Variants in SIMC1 observed in about 807,000 individuals in gnomAD.
SIMC1 encodes SUMO-interacting motif-containing protein 1.
A neutral mutation model predicts 82.3 loss-of-function variants in SIMC1; 55 were observed. The observed-to-expected ratio is 0.67, with a 90% CI of 0.54 to 0.84. The LOEUF is 0.84. SIMC1 is among the 40% of genes least tolerant of loss of function. The probability of loss-of-function intolerance (pLI) is 0.00; values close to 1 mark genes in which losing one functional copy is unlikely to be tolerated. For missense variants in SIMC1, 915 were observed against 1,107.2 expected, an observed-to-expected ratio of 0.83 and a Z score of 2.46; for synonymous variants, 353 against 426.3, an observed-to-expected ratio of 0.83 and a Z score of 2.12.
intron 9 of SIMC1, among the ~76,000 whole-genome samples, chr5:176,337,905 A>T (rs1765975842): frequency 6.6e-6 from 1 of 152,222 alleles, no homozygotes; most frequent in Non-Finnish European, 1.5e-5. Context: ...TAACCCTCAG[A>T]AGGTAAATGT....
chr5:176,321,885 C>CTTTTTTTTTTTTTTTTTTTT (rs11418187), intron 5 of SIMC1, among the ~76,000 whole-genome samples: 1 of 90,720 alleles, frequency 1.1e-5, no homozygotes, highest in Non-Finnish European at 2.0e-5. Flanking sequence ...TTTTAGTTAG[C>CTTTTTTTTTTTTTTTTTTTT]TTTTTTTTTT....
intron 1 of SIMC1, among the ~76,000 whole-genome samples, chr5:176,268,923 A>G (rs182962139): frequency 2.1e-4 from 32 of 152,346 alleles, no homozygotes; most frequent in African/African-American, 7.7e-4. Context: ...GTGTTAGGAC[A>G]TGAGTCTCAG....
chr5:176,320,983 C>T (rs1428201445), intron 5 of SIMC1, among the ~76,000 whole-genome samples: 3 of 152,018 alleles, frequency 2.0e-5, no homozygotes, highest in African/African-American at 7.2e-5. Context: ...AAGACTAAGC[C>T]CTTGACAATT....
chr5:176,305,583 G>T (rs1764304076), intron 4 of SIMC1, among the ~76,000 whole-genome samples: 1 of 143,870 alleles, frequency 7.0e-6, no homozygotes, highest in African/African-American at 2.6e-5. Flanking sequence ...GGGAGGTGGG[G>T]GGGTCAGCCC....
At chr5:176,322,579 T>C in intron 6 of SIMC1, 154 bp downstream of exon 6, 1 of 981,538 alleles carries the variant, frequency 1.0e-6, no homozygotes, top group South Asian at 2.8e-5. Flanking sequence ...AGAGGCTAAA[T>C]TTCTGATTTC....
At chr5:176,282,312 C>T (rs1478816443) in intron 1 of SIMC1, among the ~76,000 whole-genome samples, 1 of 152,200 alleles carries the variant, frequency 6.6e-6, no homozygotes, top group Admixed American at 6.5e-5. Context: ...GGGAGTGATC[C>T]GATTTTCCAG....
intron 6 of SIMC1, 73 bp from the exon 7 acceptor site, chr5:176,324,556 G>A (rs905372143): frequency 1.3e-6 from 2 of 1,518,900 alleles, no homozygotes; most frequent in Admixed American, 2.0e-5. Context: ...CACTGGTGGG[G>A]ACCTCCTCCC....
intron 1 of SIMC1, among the ~76,000 whole-genome samples, chr5:176,252,442 C>T (rs1299499895): frequency 2.8e-4 from 41 of 148,908 alleles, no homozygotes; most frequent in African/African-American, 9.2e-4. Context: ...CGGGCAGAGA[C>T]GCTCCTCACC....
intron 4 of SIMC1, among the ~76,000 whole-genome samples, chr5:176,312,458 C>G (rs922526493): frequency 2.7e-5 from 4 of 145,706 alleles, no homozygotes; most frequent in African/African-American, 1.0e-4. Flanking sequence ...ATTGCTTGAG[C>G]CTGGGAGGCA....
intron 4 of SIMC1, among the ~76,000 whole-genome samples, chr5:176,298,762 C>CT (rs1362926114): frequency 6.6e-6 from 1 of 152,102 alleles, no homozygotes; most frequent in African/African-American, 2.4e-5. Flanking sequence ...ATTGTTATAA[C>CT]TTTAAGACAT....
intron 9 of SIMC1, among the ~76,000 whole-genome samples, chr5:176,340,440 T>G (rs187929455): frequency 6.6e-6 from 1 of 152,324 alleles, no homozygotes; most frequent in African/African-American, 2.4e-5. Context: ...AATGAACAAA[T>G]GCATGCTTTT....
chr5:176,313,719 T>C lies in SIMC1; in HGVS notation c.1763T>C (p.Phe588Ser). 1 of 1,613,956 alleles carries C rather than the reference T, an allele frequency of 6.2e-7. No homozygotes were observed. Among genetic ancestry groups the C allele is most frequent in the Non-Finnish European group, 8.5e-7 (1 of 1,179,870 alleles). ...EGQTLPGRVLFLRYVVQTLED... is the reference protein window; with the variant it reads ...EGQTLPGRVLSLRYVVQTLED... Reference sequence around the variant, plus strand: ...CAAACTCTGCCTGGGCGAGTCCTTTTCCTGCGTTATGTCGTTCAGACCCTA... The same window carrying C: ...CAAACTCTGCCTGGGCGAGTCCTTTCCCTGCGTTATGTCGTTCAGACCCTA... The change falls in exon 5 of 10, where the codon TTC becomes TCC. Residue 588 changes from phenylalanine to serine, a missense_variant. Coordinates refer to ENST00000429602, the MANE Select transcript of SIMC1 (RefSeq NM_001308195.2).
chr5:176,331,368 TAAA>T (rs70991536), intron 7 of SIMC1, among the ~76,000 whole-genome samples: 10 of 131,440 alleles, frequency 7.6e-5, no homozygotes, highest in Non-Finnish European at 4.8e-5. Flanking sequence ...AGACTCTGTC[TAAA>T]AAAAAAAAAA....
intron 9 of SIMC1, among the ~76,000 whole-genome samples, chr5:176,344,534 G>A (rs938141746): frequency 1.1e-4 from 17 of 151,746 alleles, no homozygotes; most frequent in African/African-American, 4.1e-4. Flanking sequence ...ATAAAGAAAA[G>A]TTTAGTTGGC....
chr5:176,302,687 A>G (rs1764093905), intron 4 of SIMC1, among the ~76,000 whole-genome samples: 1 of 152,208 alleles, frequency 6.6e-6, no homozygotes, highest in African/African-American at 2.4e-5. Flanking sequence ...TAGTAAATGA[A>G]ATAATAAGTG....
intron 1 of SIMC1, among the ~76,000 whole-genome samples, chr5:176,251,337 C>T (rs1192162628): frequency 3.3e-5 from 5 of 152,044 alleles, no homozygotes; most frequent in East Asian, 1.9e-4. Context: ...TCCAGCCTGG[C>T]GACAGAGCAA....
chr5:176,277,241 G>A (rs1762749460), intron 1 of SIMC1, among the ~76,000 whole-genome samples: 1 of 151,722 alleles, frequency 6.6e-6, no homozygotes, highest in Admixed American at 6.6e-5. Context: ...CTGCATAAAT[G>A]TCTTCTTTTG....
chr5:176,266,333 A>G (rs1439324891), intron 1 of SIMC1, among the ~76,000 whole-genome samples: 24 of 152,134 alleles, frequency 1.6e-4, no homozygotes, highest in Non-Finnish European at 2.9e-4. Context: ...AACAAGAAAA[A>G]TCATACGAAG....
chr5:176,335,732 G>T (rs1173275146), intron 7 of SIMC1, among the ~76,000 whole-genome samples: 2 of 151,952 alleles, frequency 1.3e-5, no homozygotes, highest in Non-Finnish European at 2.9e-5. Flanking sequence ...AATTAGAAGA[G>T]AAAATAGTTT....
Sources: gnomAD v4.1 joint callset for allele counts (sites outside exome capture counted in the v4.1 genomes callset) on GRCh38, gnomAD v4.1.1 for gene constraint, MANE v1.5 for transcripts, NCBI Gene and HGNC (gene_info 2026-07-23, HGNC 2026-07-21) for gene names.